The following LNPK variants were observed in gnomAD, a reference collection of about 807,000 sequenced individuals.
LNPK encodes lunapark, ER junction formation factor, also known as endoplasmic reticulum junction formation protein lunapark.
Under a neutral mutation model 55.2 loss-of-function variants are expected in LNPK, and 29 were observed. The ratio of observed to expected loss-of-function variants is 0.53; its 90% CI spans 0.39 to 0.72. The LOEUF (loss-of-function observed/expected upper bound fraction) is 0.72, where lower values mean the gene tolerates loss of function less well. LNPK is among the 30% of genes least tolerant of loss of function. LNPK has a pLI of 0.00. For missense variants in LNPK, 467 were observed against 494.8 expected (o/e 0.94, Z 0.53); for synonymous variants, 162 against 168.2 (o/e 0.96, Z 0.29).
chr2:175,989,036 A>G (rs928068357), intron 4 of LNPK, among the ~76,000 whole-genome samples: 5 of 152,168 alleles, frequency 3.3e-5, no homozygotes, highest in African/African-American at 9.7e-5. Context: ...GGGCCTCCCA[A>G]AGTGCTGGGA....
chr2:175,989,208 G>A (rs530854739), intron 4 of LNPK, among the ~76,000 whole-genome samples: 1 of 152,140 alleles, frequency 6.6e-6, no homozygotes, highest in Non-Finnish European at 1.5e-5. Flanking sequence ...GGAGAGAGAG[G>A]AGGCATGAAA....
At position 175,925,865 on chromosome 2, in the gene LNPK, C is replaced by G. The variant is rs1174693421; in HGVS notation, c.*4102G>C. 1 of 152,158 alleles carries G rather than the reference C, an allele frequency of 6.6e-6. No homozygotes were observed. Among genetic ancestry groups the G allele is most frequent in the East Asian group, 1.9e-4 (1 of 5,184 alleles). 9.4% of individuals were successfully genotyped at this position (152,158 alleles called of 1,614,324 possible). A position where few individuals can be genotyped will look rare whatever the true frequency, so the allele number is the denominator to read the frequency against. On this transcript the variant is annotated 3_prime_UTR_variant, in exon 13 of 13. Transcript: ENST00000272748. The stretch of plus-strand genomic sequence containing the variant: ...TTTTAGTAGAGATAGTGTTTCTCCA[C>G]GTTGGTCAGGCTGGTCTCGAACTCC...
At chr2:175,995,958 G>A (rs1017621871) in intron 1 of LNPK, among the ~76,000 whole-genome samples, 7 of 151,636 alleles carry the variant, frequency 4.6e-5, no homozygotes, top group African/African-American at 1.7e-4. Flanking sequence ...GACTACAGGT[G>A]CGCACCACTA....
intron 8 of LNPK, among the ~76,000 whole-genome samples, chr2:175,962,101 T>C (rs985523058): frequency 2.0e-5 from 3 of 152,124 alleles, no homozygotes; most frequent in Admixed American, 2.0e-4. Flanking sequence ...ATAGGAAGAA[T>C]CAATATCGTG....
At chr2:175,995,471 C>T in intron 2 of LNPK, 87 bp downstream of exon 2, 13 of 971,952 alleles carry the variant, frequency 1.3e-5, no homozygotes, top group Admixed American at 2.4e-5. Flanking sequence ...CTATTCAAGG[C>T]TATAATCAAA....
intron 1 of LNPK, among the ~76,000 whole-genome samples, 170 bp downstream of exon 1, chr2:176,001,990 C>A (rs113911468): frequency 6.6e-6 from 1 of 152,242 alleles, no homozygotes; most frequent in Non-Finnish European, 1.5e-5. Context: ...CTGCGCGGAC[C>A]ACCGCGCAGC....
In LNPK at chr2:175,979,851, G is replaced by T; in HGVS notation, c.275C>A (p.Thr92Lys). Residue 92 changes from threonine to lysine, a missense_variant, in exon 5 of 13, where the codon ACA becomes AAA. Thr to Lys is a moderately conservative substitution (Grantham distance 78). Coordinates refer to ENST00000272748, the MANE Select transcript of LNPK (RefSeq NM_030650.3). ...CTTGGAAAAGAAGAAAATAATTACT[G>T]TTCTTATGCTCCAGATGCTAAAAGG... Reference protein sequence around the residue: ...AFPLIIWSIRTVIIFFFSKRT... With the variant: ...AFPLIIWSIRKVIIFFFSKRT... 6.3e-7 allele frequency: 1 copy of T among 1,581,362 alleles called. No individual in the cohort carries two copies. Among genetic ancestry groups the T allele is most frequent in the Non-Finnish European group, 8.6e-7 (1 of 1,166,026 alleles).
At chr2:175,971,904 A>C (rs964195117) in intron 5 of LNPK, among the ~76,000 whole-genome samples, 1 of 152,136 alleles carries the variant, frequency 6.6e-6, no homozygotes, top group Non-Finnish European at 1.5e-5. Flanking sequence ...ATGGGCCAAA[A>C]AGCAAAATCA....
rs1325001455 is a variant in LNPK at position 175,950,489 on chromosome 2, G to T, written c.494-2797C>A. Among the ~76,000 whole-genome samples the T allele has an allele frequency of 2.0e-5, 3 of 152,016 alleles. No individual in the cohort carries two copies. In the East Asian group the frequency reaches 5.8e-4, roughly 29 times the overall value. On this transcript the variant is annotated intron_variant, in intron 8 of 12. Coordinates refer to ENST00000272748, the MANE Select transcript of LNPK (RefSeq NM_030650.3). ...TTGATTTAATCATCATAAATTGTAT[G>T]CAAGTATGTAACCCCAAAAATATGT...
At chr2:175,997,848 A>G (rs1480874064) in intron 1 of LNPK, among the ~76,000 whole-genome samples, 1 of 150,218 alleles carries the variant, frequency 6.7e-6, no homozygotes. Context: ...CAATTCTCCC[A>G]TCTCAGTCTC....
intron 4 of LNPK, among the ~76,000 whole-genome samples, chr2:175,991,131 CT>C (rs1687681459): frequency 6.6e-6 from 1 of 152,070 alleles, no homozygotes; most frequent in Non-Finnish European, 1.5e-5. Flanking sequence ...AGATACAAGT[CT>C]TTTATGATCA....
At chr2:175,987,277 T>G (rs1361813040) in intron 4 of LNPK, among the ~76,000 whole-genome samples, 1 of 152,216 alleles carries the variant, frequency 6.6e-6, no homozygotes, top group Admixed American at 6.5e-5. Context: ...CCAACCCATT[T>G]GTCCAACAAT....
rs143847082 is a variant in LNPK, at chr2:175,960,042, G to A, written c.493+4330C>T. 1.6e-4 allele frequency among the ~76,000 whole-genome samples: 24 copies of A among 152,176 alleles called. No individual in the cohort carries two copies. The East Asian group carries it at 4.6e-3, about 29-fold the overall frequency. On this transcript the variant is annotated intron_variant, in intron 8 of 12. Coordinates refer to ENST00000272748, the MANE Select transcript of LNPK (RefSeq NM_030650.3). ...CTAAATATATATGCACCCAACACAG[G>A]AGCACCCAGATTCATAAGGTAAGTC...
chr2:175,978,382 G>C (rs998567020), intron 5 of LNPK, among the ~76,000 whole-genome samples: 1 of 152,140 alleles, frequency 6.6e-6, no homozygotes, highest in Admixed American at 6.5e-5. Flanking sequence ...ACTTGGTGGT[G>C]TAGGTAGCTC....
rs888350990 is a variant in LNPK, at chr2:176,000,398, G to A, written c.-63+1762C>T. On this transcript the variant is annotated intron_variant, in intron 1 of 12. Coordinates refer to ENST00000272748, the MANE Select transcript of LNPK (RefSeq NM_030650.3). Reference sequence around the variant, plus strand: ...TTATGTATCATTTGGCACAGTGTCCGACACATAGTAGTAACTGCTTAATTG... The same window carrying A: ...TTATGTATCATTTGGCACAGTGTCCAACACATAGTAGTAACTGCTTAATTG... Among the ~76,000 whole-genome samples, 7 of 152,122 alleles carry A rather than the reference G, an allele frequency of 4.6e-5. No individual in the cohort carries two copies. In the East Asian group the frequency reaches 7.7e-4, roughly 17 times the overall value.
chr2:175,986,770 C>T (rs1270812060), intron 4 of LNPK, among the ~76,000 whole-genome samples: 1 of 151,732 alleles, frequency 6.6e-6, no homozygotes, highest in African/African-American at 2.4e-5. Flanking sequence ...ACAGTAAGAA[C>T]AGGTAGAAAA....
chr2:175,994,833 C>A (rs1328975632), intron 2 of LNPK, among the ~76,000 whole-genome samples: 2 of 151,726 alleles, frequency 1.3e-5, no homozygotes. Context: ...TCTAAAAGCA[C>A]AGGCAGTGTG....
intron 9 of LNPK, among the ~76,000 whole-genome samples, chr2:175,945,676 T>C (rs1254308627): frequency 1.3e-5 from 2 of 152,208 alleles, no homozygotes; most frequent in African/African-American, 4.8e-5. Flanking sequence ...TTGGAAAGCA[T>C]TTAAGCCAAC....
In LNPK at chr2:175,925,208, C is replaced by T. The variant is rs1055376794; in HGVS notation, c.*4759G>A. On this transcript the variant is annotated 3_prime_UTR_variant, in exon 13 of 13. Transcript: ENST00000272748. ...TCTGATACAACTATGTTCTCCATAA[C>T]AATAGTGACTGTGTGTCTAATGCAT... The T allele has an allele frequency of 6.6e-6, 1 of 152,122 alleles. No homozygotes were observed. Among genetic ancestry groups the T allele is most frequent in the Non-Finnish European group, 1.5e-5 (1 of 68,042 alleles). The allele number at this position is 152,122 out of a possible 1,614,324, so 9.4% of individuals were successfully genotyped here.
Sources: gnomAD v4.1 joint callset for allele counts (sites outside exome capture counted in the v4.1 genomes callset) on GRCh38, gnomAD v4.1.1 for gene constraint, MANE v1.5 for transcripts, NCBI Gene and HGNC (gene_info 2026-07-23, HGNC 2026-07-21) for gene names.